Variants in CDH18 observed in about 807,000 individuals in gnomAD.
CDH18 encodes the protein cadherin 18.
In CDH18, 31 loss-of-function variants were observed where a neutral mutation model predicts 67.9. That is an observed-to-expected ratio of 0.46 (90% CI 0.34 to 0.62). The LOEUF is 0.62. Among genes scored for constraint, CDH18 ranks in the 20% least tolerant of loss-of-function variants. The pLI, the probability that CDH18 is intolerant of heterozygous loss-of-function variation, is 0.01. For missense variants in CDH18, 890 were observed against 975.5 expected, an observed-to-expected ratio of 0.91 and a Z score of 1.17; for synonymous variants, 362 against 347.2, an observed-to-expected ratio of 1.04 and a Z score of -0.48.
intron 1 of CDH18, among the ~76,000 whole-genome samples, chr5:20,441,781 T>C (rs1434584181): frequency 4.9e-5 from 7 of 142,782 alleles, no homozygotes; most frequent in African/African-American, 1.9e-4. Flanking sequence ...AGGATTTATT[T>C]AGATCAATAA....
At chr5:20,330,903 G>C (rs1180613562) in intron 1 of CDH18, among the ~76,000 whole-genome samples, 1 of 152,134 alleles carries the variant, frequency 6.6e-6, no homozygotes, top group Admixed American at 6.5e-5. Flanking sequence ...TTGAAAACTT[G>C]CCTCAGTCTC....
At chr5:19,679,676 G>A (rs1237882597) in intron 5 of CDH18, among the ~76,000 whole-genome samples, 2 of 151,822 alleles carry the variant, frequency 1.3e-5, no homozygotes, top group African/African-American at 4.8e-5. Flanking sequence ...AATGAATAAT[G>A]CAATCCCATT....
At chr5:20,364,123 T>C (rs2150075252) in intron 1 of CDH18, among the ~76,000 whole-genome samples, 1 of 152,302 alleles carries the variant, frequency 6.6e-6, no homozygotes, top group East Asian at 1.9e-4. Context: ...TGTTGTCAAG[T>C]ATTTCCTGAA....
At chr5:20,202,090 G>C (rs1739492836) in intron 2 of CDH18, among the ~76,000 whole-genome samples, 1 of 152,178 alleles carries the variant, frequency 6.6e-6, no homozygotes, top group Non-Finnish European at 1.5e-5. Flanking sequence ...CAATAGACTT[G>C]TACTGCATTA....
chr5:20,276,663 C>A (rs1286184793), intron 1 of CDH18, among the ~76,000 whole-genome samples: 2 of 152,180 alleles, frequency 1.3e-5, no homozygotes, highest in Non-Finnish European at 2.9e-5. Context: ...CTTTGTCCTG[C>A]AGCTTAGGTA....
chr5:19,892,959 C>T lies in CDH18; in HGVS notation c.-256-53717G>A, dbSNP rs114435469. 5.8e-3 allele frequency among the ~76,000 whole-genome samples: 878 copies of T among 152,258 alleles called. 12 individuals are homozygous for T. Among genetic ancestry groups the T allele is most frequent in the African/African-American group, 0.02 (833 of 41,548 alleles). ...TTTTGGAGTAATTTGTTATGCAGTG[C>T]CATGGCCTAAATGCTTTTGTCTCCC... On this transcript the variant is annotated intron_variant, in intron 2 of 12. Coordinates refer to ENST00000382275, the MANE Select transcript of CDH18 (RefSeq NM_004934.5).
chr5:19,953,699 G>T (rs1579775017), intron 2 of CDH18, among the ~76,000 whole-genome samples: 1 of 152,056 alleles, frequency 6.6e-6, no homozygotes, highest in African/African-American at 2.4e-5. Context: ...AGATTTAATG[G>T]TGTTGATTAT....
intron 3 of CDH18, among the ~76,000 whole-genome samples, chr5:19,835,102 C>A (rs903449595): frequency 2.0e-5 from 3 of 151,992 alleles, no homozygotes; most frequent in Non-Finnish European, 4.4e-5. Flanking sequence ...TTTACAATAG[C>A]AAAGACATGG....
intron 2 of CDH18, among the ~76,000 whole-genome samples, chr5:19,917,335 T>TCCC (rs1791924261): frequency 2.0e-5 from 3 of 149,650 alleles, no homozygotes; most frequent in African/African-American, 7.6e-5. Context: ...AATTTTTTCT[T>TCCC]TCCCCCCCCG....
At chr5:19,940,889 G>A (rs1794744675) in intron 2 of CDH18, among the ~76,000 whole-genome samples, 1 of 152,046 alleles carries the variant, frequency 6.6e-6, no homozygotes. Context: ...ATACAGAATG[G>A]AACTATATTT....
At chr5:20,475,880 T>A (rs557901732) in intron 1 of CDH18, among the ~76,000 whole-genome samples, 7 of 152,236 alleles carry the variant, frequency 4.6e-5, no homozygotes, top group African/African-American at 1.7e-4. Flanking sequence ...ATGGAAAGGT[T>A]TGGATTGCTG....
chr5:20,202,101 A>T (rs1180099387), intron 2 of CDH18, among the ~76,000 whole-genome samples: 1 of 152,192 alleles, frequency 6.6e-6, no homozygotes, highest in Admixed American at 6.5e-5. Context: ...TACTGCATTA[A>T]TCTAATTATA....
chr5:20,239,311 C>A (rs1413217964), intron 2 of CDH18, among the ~76,000 whole-genome samples: 1 of 152,038 alleles, frequency 6.6e-6, no homozygotes, highest in Non-Finnish European at 1.5e-5. Context: ...AAAAAACTAT[C>A]TGGGCGTGGT....
At chr5:19,851,653 TACTTA>T (rs1199519933) in intron 2 of CDH18, among the ~76,000 whole-genome samples, 4 of 151,978 alleles carry the variant, frequency 2.6e-5, no homozygotes, top group East Asian at 1.9e-4. Context: ...GTCTCTTGTA[TACTTA>T]ACTTATTTTT....
At chr5:20,230,779 T>C (rs1230348750) in intron 2 of CDH18, among the ~76,000 whole-genome samples, 1 of 152,196 alleles carries the variant, frequency 6.6e-6, no homozygotes, top group African/African-American at 2.4e-5. Context: ...TATTTTCTAT[T>C]ACATACTAAT....
intron 2 of CDH18, among the ~76,000 whole-genome samples, chr5:20,122,203 C>G (rs1427008848): frequency 6.6e-6 from 1 of 152,242 alleles, no homozygotes; most frequent in African/African-American, 2.4e-5. Context: ...TCCACAGATG[C>G]ATGGCTTTGT....
Position 20,247,938 on chromosome 5 carries a change from G to C in CDH18, c.-518+7506C>G, listed in dbSNP as rs563930309. 5.9e-5 allele frequency among the ~76,000 whole-genome samples: 9 copies of C among 152,122 alleles called. No individual in the cohort carries two copies. In the South Asian group the frequency reaches 1.9e-3, roughly 32 times the overall value. ...CATATTTAGAAACAAGAAAATTTAT[G>C]AGAAAATTTGCAATTAGCTCAAACA... is the stretch of plus-strand genomic sequence containing the variant. On this transcript the variant is annotated intron_variant, in intron 2 of 14. Coordinates refer to the CDH18 transcript ENST00000507958.
At chr5:20,367,698 T>G (rs1017840800) in intron 1 of CDH18, among the ~76,000 whole-genome samples, 1 of 152,228 alleles carries the variant, frequency 6.6e-6, no homozygotes, top group Non-Finnish European at 1.5e-5. Context: ...CAAGAACATG[T>G]GGTAAATTTT....
intron 2 of CDH18, among the ~76,000 whole-genome samples, chr5:20,217,610 AGAG>A (rs1360201703): frequency 7.9e-5 from 12 of 151,900 alleles, no homozygotes; most frequent in Non-Finnish European, 1.8e-4. Context: ...GAGAAAAGAA[AGAG>A]GAGACCACAA....
Sources: allele counts gnomAD v4.1 joint callset (sites outside exome capture counted in the v4.1 genomes callset), GRCh38; gene constraint gnomAD v4.1.1; transcripts MANE v1.5; gene names NCBI Gene and HGNC (gene_info 2026-07-23, HGNC 2026-07-21).